THADA: variants seen among roughly 807,000 people sequenced by gnomAD.
The protein encoded by THADA is tRNA (32-2'-O)-methyltransferase regulator THADA.
In THADA, 213 loss-of-function variants were observed where a neutral mutation model predicts 219.8. The ratio of observed to expected loss-of-function variants is 0.97; its 90% CI spans 0.87 to 1.09. The LOEUF (loss-of-function observed/expected upper bound fraction) is 1.09, where lower values mean the gene tolerates loss of function less well. THADA is among the 50% of genes least tolerant of loss of function. The pLI is 0.00. For missense variants in THADA, 2,956 were observed against 2,311.3 expected, an observed-to-expected ratio of 1.28 and a Z score of -5.72; for synonymous variants, 1,018 against 828.9, an observed-to-expected ratio of 1.23 and a Z score of -3.92.
At chr2:43,296,200 A>C (rs963069851) in intron 31 of THADA, among the ~76,000 whole-genome samples, 1 of 147,896 alleles carries the variant, frequency 6.8e-6, no homozygotes, top group African/African-American at 2.5e-5. Context: ...TTACAGCGTG[A>C]GCCACCGTGC....
intron 30 of THADA, among the ~76,000 whole-genome samples, chr2:43,335,797 T>C (rs1272756858): frequency 1.6e-5 from 2 of 123,546 alleles, no homozygotes; most frequent in African/African-American, 6.2e-5. Context: ...GTCTCTACTT[T>C]AAAAAAAAAA....
At chr2:43,269,216 G>C (rs988706339) in intron 36 of THADA, among the ~76,000 whole-genome samples, 1 of 152,208 alleles carries the variant, frequency 6.6e-6, no homozygotes, top group African/African-American at 2.4e-5. Context: ...GATGGCCTAA[G>C]CCTCAGACTG....
chr2:43,540,939 G>C (rs1289712240), intron 21 of THADA, among the ~76,000 whole-genome samples: 1 of 152,096 alleles, frequency 6.6e-6, no homozygotes, highest in Non-Finnish European at 1.5e-5. Context: ...AAAATCTACA[G>C]TTATTTATAT....
intron 21 of THADA, among the ~76,000 whole-genome samples, chr2:43,528,364 A>G (rs756862941): frequency 1.1e-4 from 17 of 152,154 alleles, no homozygotes; most frequent in Admixed American, 7.9e-4. Context: ...TCCTGACCTC[A>G]GGTGATCTGC....
intron 30 of THADA, among the ~76,000 whole-genome samples, chr2:43,321,017 A>G (rs1209076215): frequency 6.6e-6 from 1 of 152,250 alleles, no homozygotes; most frequent in Non-Finnish European, 1.5e-5. Flanking sequence ...TAACCAGCTG[A>G]ACAATAGACA....
chr2:43,586,276 A>G, intron 7 of THADA, 125 bp downstream of exon 7: 3 of 829,048 alleles, frequency 3.6e-6, no homozygotes, highest in Non-Finnish European at 1.8e-6. Flanking sequence ...AAAAAAATAT[A>G]AAAGTGATAA....
chr2:43,312,375 G>A (rs1470652942), intron 31 of THADA, among the ~76,000 whole-genome samples: 2 of 152,098 alleles, frequency 1.3e-5, no homozygotes, highest in African/African-American at 4.8e-5. Context: ...CACAGAAATG[G>A]ACGGTGAATA....
intron 26 of THADA, among the ~76,000 whole-genome samples, chr2:43,431,566 C>T (rs1388670379): frequency 4.0e-5 from 6 of 151,214 alleles, no homozygotes; most frequent in East Asian, 1.9e-4. Flanking sequence ...CCTGGGTTCA[C>T]GCCATTCTCC....
At chr2:43,355,514 C>T (rs1243406188) in intron 29 of THADA, among the ~76,000 whole-genome samples, 1 of 152,172 alleles carries the variant, frequency 6.6e-6, no homozygotes, top group Non-Finnish European at 1.5e-5. Flanking sequence ...TGATATCATC[C>T]TTTTATCCAT....
chr2:43,290,719 C>A (rs1190475394), intron 34 of THADA, among the ~76,000 whole-genome samples: 1 of 152,070 alleles, frequency 6.6e-6, no homozygotes, highest in Admixed American at 6.6e-5. Flanking sequence ...TATGCCACCA[C>A]CATCAGTGTG....
chr2:43,581,438 G>T lies in THADA; in HGVS notation c.721+303C>A, dbSNP rs191182988. On this transcript the variant is annotated intron_variant, in intron 8 of 37. Coordinates refer to ENST00000405975, the MANE Select transcript of THADA (RefSeq NM_022065.5). ...CCCAGCTACTCAGAAGCGGAGGCAC[G>T]AGAATCGCTTGAACCTGGGATGTGA... 2.6e-5 allele frequency among the ~76,000 whole-genome samples: 4 copies of T among 151,314 alleles called. No individual in the cohort carries two copies. The East Asian group carries it at 7.8e-4, about 29-fold the overall frequency.
intron 36 of THADA, among the ~76,000 whole-genome samples, chr2:43,257,019 G>A (rs1670386294): frequency 6.6e-6 from 1 of 152,160 alleles, no homozygotes; most frequent in Non-Finnish European, 1.5e-5. Context: ...TCTCCAAGAT[G>A]GCAACTGTCC....
At chr2:43,535,124 T>C (rs560540489) in intron 21 of THADA, among the ~76,000 whole-genome samples, 1 of 151,934 alleles carries the variant, frequency 6.6e-6, no homozygotes, top group African/African-American at 2.4e-5. Flanking sequence ...ATATATTTGT[T>C]CGTCATTTCT....
chr2:43,398,996 G>C (rs1341288083), intron 28 of THADA, among the ~76,000 whole-genome samples: 1 of 152,138 alleles, frequency 6.6e-6, no homozygotes, highest in Non-Finnish European at 1.5e-5. Flanking sequence ...TTCTAGAAAG[G>C]TCATTGTAAA....
chr2:43,534,626 T>A (rs1694316107), intron 21 of THADA, among the ~76,000 whole-genome samples: 1 of 152,208 alleles, frequency 6.6e-6, no homozygotes, highest in South Asian at 2.1e-4. Context: ...TCCATCCATG[T>A]AGCTGCGAAT....
chr2:43,429,796 G>A (rs760622028), intron 27 of THADA, among the ~76,000 whole-genome samples: 37 of 151,490 alleles, frequency 2.4e-4, no homozygotes, highest in Non-Finnish European at 4.7e-4. Context: ...AACTTTTCAG[G>A]TACAAATTTA....
Position 43,341,184 on chromosome 2 carries a change from C to G in THADA, c.4343+2938G>C, listed in dbSNP as rs570716832. Among the ~76,000 whole-genome samples the G allele has an allele frequency of 4.6e-5, 7 of 152,298 alleles. No homozygotes were observed. In the South Asian group the frequency reaches 1.5e-3, roughly 32 times the overall value. ...GGTGTTAGGAACCATTTACAGACCACCCACAAAGCGGAAAGTTCACACTTG... is the reference window on the plus strand; with the variant it reads ...GGTGTTAGGAACCATTTACAGACCAGCCACAAAGCGGAAAGTTCACACTTG... On this transcript the variant is annotated intron_variant, in intron 30 of 37. Coordinates refer to ENST00000405975, the MANE Select transcript of THADA (RefSeq NM_022065.5).
Position 43,320,560 on chromosome 2 carries a change from A to C in THADA, c.4344-20T>G. 1 of 1,584,588 alleles carries C rather than the reference A, an allele frequency of 6.3e-7. No homozygotes were observed. The highest frequency in any genetic ancestry group is 8.6e-7 in the Non-Finnish European group (1 of 1,157,872). On this transcript the variant is annotated intron_variant, in intron 30 of 37. Transcript: ENST00000405975. ...TTTTGCCTAGAAAGGTAAAGAACAG[A>C]ATATAAATTGAGATTTTCTCTCCCT...
chr2:43,280,238 T>G (rs1413334876), intron 35 of THADA, among the ~76,000 whole-genome samples: 1 of 152,178 alleles, frequency 6.6e-6, no homozygotes, highest in Non-Finnish European at 1.5e-5. Flanking sequence ...ACTTTATGCA[T>G]AAGACTGCTT....
Sources: gnomAD v4.1 joint callset for allele counts (sites outside exome capture counted in the v4.1 genomes callset) on GRCh38, gnomAD v4.1.1 for gene constraint, MANE v1.5 for transcripts, NCBI Gene and HGNC (gene_info 2026-07-23, HGNC 2026-07-21) for gene names.